SLC25A48: variants seen among roughly 807,000 people sequenced by gnomAD.
The protein encoded by SLC25A48 is solute carrier family 25 member 48.
A neutral mutation model predicts 32.2 loss-of-function variants in SLC25A48; 29 were observed. The ratio of observed to expected loss-of-function variants is 0.90; its 90% CI spans 0.67 to 1.23. The LOEUF is 1.23. Among genes scored for constraint, SLC25A48 ranks in the 50% most tolerant of loss-of-function variants. The probability of loss-of-function intolerance (pLI) is 0.00; values close to 1 mark genes in which losing one functional copy is unlikely to be tolerated. For synonymous variants in SLC25A48, 164 were observed against 172.3 expected (o/e 0.95, Z 0.38); for missense variants, 399 against 422.7 (o/e 0.94, Z 0.49).
intron 3 of SLC25A48, among the ~76,000 whole-genome samples, chr5:135,783,722 C>T (rs1436297223): frequency 1.7e-5 from 2 of 118,244 alleles, no homozygotes; most frequent in African/African-American, 5.2e-5. Context: ...CCATGTGATA[C>T]TGTTCTTAAT....
At chr5:135,635,153 C>T (rs1400758956) in intron 3 of SLC25A48, among the ~76,000 whole-genome samples, 1 of 152,176 alleles carries the variant, frequency 6.6e-6, no homozygotes, top group Non-Finnish European at 1.5e-5. Context: ...TGTGACTCTG[C>T]CCTCTGGCCT....
intron 2 of SLC25A48, among the ~76,000 whole-genome samples, chr5:135,845,175 C>T (rs757389761): frequency 1.1e-4 from 16 of 152,250 alleles, no homozygotes; most frequent in Non-Finnish European, 2.2e-4. Flanking sequence ...CTACCAGCTT[C>T]CAGTGCCTGC....
chr5:135,730,298 A>T (rs1755194114), intron 3 of SLC25A48, among the ~76,000 whole-genome samples: 1 of 152,144 alleles, frequency 6.6e-6, no homozygotes, highest in South Asian at 2.1e-4. Context: ...TAGTTGACTC[A>T]TGGGGGCCAA....
intron 3 of SLC25A48, among the ~76,000 whole-genome samples, chr5:135,710,261 G>C (rs1754621389): frequency 6.6e-6 from 1 of 152,234 alleles, no homozygotes; most frequent in Admixed American, 6.5e-5. Context: ...TGTACTCATA[G>C]CTGATGCAGG....
intron 3 of SLC25A48, among the ~76,000 whole-genome samples, chr5:135,758,437 T>C (rs953118188): frequency 1.3e-5 from 2 of 150,844 alleles, no homozygotes; most frequent in Non-Finnish European, 3.0e-5. Flanking sequence ...AGTTTTAATA[T>C]ACTGAGATAT....
rs565543638 is a variant in SLC25A48 at position 135,594,732 on chromosome 5, G to A, written c.-849+15135G>A. 1.1e-4 allele frequency among the ~76,000 whole-genome samples: 16 copies of A among 152,210 alleles called. No individual in the cohort carries two copies. The South Asian group carries it at 3.1e-3, about 30-fold the overall frequency. On this transcript the variant is annotated intron_variant, in intron 1 of 10. Coordinates refer to the SLC25A48 transcript ENST00000646290. ...CCAAAGGGGTCAGTGAAAGGGAGTG[G>A]GTGAATACAAAACCTGGCCACACCT...
chr5:135,824,537 C>T (rs950027905), intron 4 of SLC25A48: 1 of 152,334 alleles, frequency 6.6e-6, no homozygotes, highest in Non-Finnish European at 1.5e-5. Flanking sequence ...GCTCCCTCCA[C>T]CTTTCACATA....
At chr5:135,875,942 TAAG>T (rs1285756058) in intron 6 of SLC25A48, 6 of 152,164 alleles carry the variant, frequency 3.9e-5, no homozygotes, top group Non-Finnish European at 7.3e-5. Context: ...CTGGTTAGTA[TAAG>T]AAGATGTGAT....
intron 3 of SLC25A48, among the ~76,000 whole-genome samples, chr5:135,672,335 A>G (rs1169714728): frequency 6.6e-6 from 1 of 152,216 alleles, no homozygotes; most frequent in Non-Finnish European, 1.5e-5. Context: ...CATGTTGAAC[A>G]TTTCATAACC....
chr5:135,755,752 T>C (rs576235581), intron 3 of SLC25A48, among the ~76,000 whole-genome samples: 4 of 151,998 alleles, frequency 2.6e-5, no homozygotes, highest in Admixed American at 6.6e-5. Flanking sequence ...CTGTGATATA[T>C]ATATATGGTC....
intron 3 of SLC25A48, among the ~76,000 whole-genome samples, chr5:135,677,881 T>A (rs1178248910): frequency 1.3e-5 from 2 of 152,240 alleles, no homozygotes; most frequent in Admixed American, 1.3e-4. Flanking sequence ...CTGAGAAGTC[T>A]GCTGTTAGTT....
intron 2 of SLC25A48, among the ~76,000 whole-genome samples, chr5:135,632,441 T>C (rs1186575458): frequency 6.6e-6 from 1 of 152,066 alleles, no homozygotes; most frequent in Non-Finnish European, 1.5e-5. Context: ...AGTCAAGAAA[T>C]ACCTAGGAGG....
At chr5:135,759,527 A>T (rs755911008) in intron 3 of SLC25A48, among the ~76,000 whole-genome samples, 47 of 152,292 alleles carry the variant, frequency 3.1e-4, no homozygotes, top group Non-Finnish European at 5.6e-4. Flanking sequence ...TCTTCAGCAC[A>T]TAGTTACTGA....
In SLC25A48 at chr5:135,880,104, G is replaced by A; in HGVS notation, c.*7+7G>A. ...ACGAGCCCATAAGCGCCAGGTCAGTGTGCTTCCATCCTGGCCAATTGTGCC... is the reference window on the plus strand; with the variant it reads ...ACGAGCCCATAAGCGCCAGGTCAGTATGCTTCCATCCTGGCCAATTGTGCC... On this transcript the variant is annotated splice_region_variant and intron_variant, in intron 7 of 7. Transcript: ENST00000681962. The A allele has an allele frequency of 6.5e-7, 1 of 1,535,224 alleles. No individual in the cohort carries two copies. The highest frequency in any genetic ancestry group is 1.4e-5 in the African/African-American group (1 of 73,100).
intron 3 of SLC25A48, among the ~76,000 whole-genome samples, chr5:135,811,777 G>C (rs918642739): frequency 8.5e-5 from 13 of 152,170 alleles, no homozygotes; most frequent in African/African-American, 3.1e-4. Context: ...GGTAAAATTT[G>C]CCTGTTTAAA....
chr5:135,666,027 T>G (rs1252288941), intron 3 of SLC25A48, among the ~76,000 whole-genome samples: 1 of 152,150 alleles, frequency 6.6e-6, no homozygotes, highest in Non-Finnish European at 1.5e-5. Context: ...TAGGTGAAAC[T>G]CCAATGTGTG....
intron 2 of SLC25A48, among the ~76,000 whole-genome samples, chr5:135,847,205 A>G (rs1759495991): frequency 1.3e-5 from 2 of 152,350 alleles, no homozygotes; most frequent in South Asian, 4.1e-4. Context: ...CTTGCCTTTC[A>G]TAGGTGTTCA....
At chr5:135,628,193 T>G (rs1356202238) in intron 1 of SLC25A48, among the ~76,000 whole-genome samples, 1 of 152,196 alleles carries the variant, frequency 6.6e-6, no homozygotes, top group Non-Finnish European at 1.5e-5. Context: ...TGGGATTAGA[T>G]GTGGAGTCTA....
At chr5:135,769,966 G>A (rs536986107) in intron 3 of SLC25A48, among the ~76,000 whole-genome samples, 11 of 150,720 alleles carry the variant, frequency 7.3e-5, no homozygotes, top group African/African-American at 2.2e-4. Context: ...TCCCAATTTC[G>A]CAGGAGGTGT....
Sources: gnomAD v4.1 joint callset for allele counts (sites outside exome capture counted in the v4.1 genomes callset) on GRCh38, gnomAD v4.1.1 for gene constraint, MANE v1.5 for transcripts, NCBI Gene and HGNC (gene_info 2026-07-23, HGNC 2026-07-21) for gene names.